Variants in ZMYM4 observed in about 807,000 individuals in gnomAD.
ZMYM4 encodes the protein zinc finger MYM-type containing 4, also known as zinc finger MYM-type protein 4.
A neutral mutation model predicts 183.2 loss-of-function variants in ZMYM4; 31 were observed. The observed-to-expected ratio is 0.17, with a 90% CI of 0.13 to 0.23. The LOEUF (loss-of-function observed/expected upper bound fraction) is 0.23. ZMYM4 is among the 10% of genes least tolerant of loss of function. The probability of loss-of-function intolerance (pLI) is 1.00; values close to 1 mark genes in which losing one functional copy is unlikely to be tolerated. For missense variants in ZMYM4, 1,273 were observed against 1,840.3 expected (o/e 0.69, Z 5.64); for synonymous variants, 592 against 631.2 (o/e 0.94, Z 0.93).
chr1:35,304,883 G>T (rs1192989275), intron 1 of ZMYM4, among the ~76,000 whole-genome samples: 1 of 151,404 alleles, frequency 6.6e-6, no homozygotes, highest in Admixed American at 6.6e-5. Context: ...GTCTTGCTCT[G>T]TCCCCAGGCT....
chr1:35,357,373 A>G (rs1643859696), intron 2 of ZMYM4, among the ~76,000 whole-genome samples: 2 of 152,198 alleles, frequency 1.3e-5, no homozygotes, highest in Admixed American at 6.5e-5. Flanking sequence ...AGTGCCACTA[A>G]TATTTTTAGT....
At chr1:35,412,114 T>C (rs1037875104) in intron 26 of ZMYM4, among the ~76,000 whole-genome samples, 4 of 151,944 alleles carry the variant, frequency 2.6e-5, no homozygotes, top group Non-Finnish European at 4.4e-5. Flanking sequence ...CTCCTGACCT[T>C]GTGATCCGCC....
At chr1:35,314,842 T>C (rs1641972252) in intron 1 of ZMYM4, among the ~76,000 whole-genome samples, 1 of 150,594 alleles carries the variant, frequency 6.6e-6, no homozygotes, top group Non-Finnish European at 1.5e-5. Context: ...CTGGCCAACA[T>C]GGTGAAACCC....
chr1:35,305,905 A>G (rs1199343329), intron 1 of ZMYM4, among the ~76,000 whole-genome samples: 1 of 152,178 alleles, frequency 6.6e-6, no homozygotes, highest in East Asian at 1.9e-4. Context: ...ATATAATATC[A>G]GGGTTTTTTT....
At chr1:35,324,409 T>C (rs1642420990) in intron 1 of ZMYM4, among the ~76,000 whole-genome samples, 1 of 152,170 alleles carries the variant, frequency 6.6e-6, no homozygotes, top group Non-Finnish European at 1.5e-5. Context: ...GAAGTTGCTT[T>C]TTTATAAGTT....
At chr1:35,328,465 T>A (rs1184671433) in intron 2 of ZMYM4, among the ~76,000 whole-genome samples, 1 of 148,442 alleles carries the variant, frequency 6.7e-6, no homozygotes, top group African/African-American at 2.5e-5. Context: ...TTTTTTTTTT[T>A]TTTTTTTTTT....
intron 2 of ZMYM4, among the ~76,000 whole-genome samples, chr1:35,346,490 C>A (rs1643394736): frequency 6.6e-6 from 1 of 151,626 alleles, no homozygotes; most frequent in Non-Finnish European, 1.5e-5. Flanking sequence ...GCCTGTACTA[C>A]AAACACAAAA....
chr1:35,313,387 TTTC>T (rs1402122989), intron 1 of ZMYM4, among the ~76,000 whole-genome samples: 5 of 67,924 alleles, frequency 7.4e-5, no homozygotes, highest in East Asian at 2.1e-4. Context: ...TCTTTTTCTT[TTTC>T]TTTTTTTTTT....
In ZMYM4 at chr1:35,268,902, C is replaced by A; in HGVS notation, c.-145C>A. ...CGGCCCGGCGCGCGGCATCCGCCCC[C>A]TCCCCACTCTCGGCGCAAGGCCCGG... On this transcript the variant is annotated 5_prime_UTR_variant, in exon 1 of 30. Coordinates refer to ENST00000314607, the MANE Select transcript of ZMYM4 (RefSeq NM_005095.3). The A allele has an allele frequency of 2.2e-6, 2 of 915,238 alleles. No individual in the cohort carries two copies. The highest frequency in any genetic ancestry group is 2.9e-6 in the Non-Finnish European group (2 of 690,682). 56.7% of individuals were successfully genotyped at this position (915,238 alleles called of 1,614,324 possible). A position where few individuals can be genotyped will look rare whatever the true frequency, so the allele number is the denominator to read the frequency against.
intron 5 of ZMYM4, among the ~76,000 whole-genome samples, chr1:35,362,478 C>T (rs1033012786): frequency 6.6e-6 from 1 of 152,172 alleles, no homozygotes; most frequent in Non-Finnish European, 1.5e-5. Flanking sequence ...TCAGATGCTG[C>T]AATCATTTTG....
At chr1:35,398,746 G>A in intron 21 of ZMYM4, 118 bp from the exon 22 acceptor site, 1 of 1,023,332 alleles carries the variant, frequency 9.8e-7, no homozygotes, top group Non-Finnish European at 1.4e-6. Context: ...GTGTACCTAG[G>A]TAATTGTCCA....
intron 1 of ZMYM4, among the ~76,000 whole-genome samples, chr1:35,278,636 T>G (rs754748623): frequency 6.6e-5 from 10 of 152,048 alleles, no homozygotes; most frequent in Non-Finnish European, 1.3e-4. Context: ...TATGTTAGGA[T>G]GGGCTCCATC....
intron 2 of ZMYM4, among the ~76,000 whole-genome samples, chr1:35,332,007 A>C (rs1405970914): frequency 6.6e-6 from 1 of 151,944 alleles, no homozygotes; most frequent in Admixed American, 6.6e-5. Flanking sequence ...TGAAAAGATA[A>C]GAGAAAAAAA....
At chr1:35,285,489 A>G (rs1640436463) in intron 1 of ZMYM4, among the ~76,000 whole-genome samples, 1 of 152,146 alleles carries the variant, frequency 6.6e-6, no homozygotes, top group African/African-American at 2.4e-5. Flanking sequence ...TGTCCTTTGT[A>G]TCTATGAGTT....
intron 1 of ZMYM4, among the ~76,000 whole-genome samples, chr1:35,312,590 A>G (rs923632571): frequency 2.6e-5 from 4 of 151,970 alleles, no homozygotes; most frequent in South Asian, 4.2e-4. Context: ...TGGTACTAGT[A>G]CTTTTTTTAT....
chr1:35,397,254 C>A (rs1644825080), intron 19 of ZMYM4, 123 bp from the exon 20 acceptor site: 2 of 1,161,568 alleles, frequency 1.7e-6, no homozygotes, highest in Non-Finnish European at 2.3e-6. Flanking sequence ...CTATTTTAAT[C>A]ATCAGCAATG....
At chr1:35,412,100 C>T (rs910285814) in intron 26 of ZMYM4, among the ~76,000 whole-genome samples, 2 of 151,014 alleles carry the variant, frequency 1.3e-5, no homozygotes, top group African/African-American at 2.4e-5. Context: ...ACCGTGGTCT[C>T]GATCTCCTGA....
At position 35,387,043 on chromosome 1, in the gene ZMYM4, T is replaced by C; in HGVS notation, c.1877T>C (p.Val626Ala). The C allele has an allele frequency of 6.2e-7, 1 of 1,614,228 alleles. No individual in the cohort carries two copies. Among genetic ancestry groups the C allele is most frequent in the Non-Finnish European group, 8.5e-7 (1 of 1,180,036 alleles). The part of the protein sequence containing the change: ...NKPTGMNSSV[V>A]PLSQGQVIVS... The stretch of plus-strand genomic sequence containing the variant: ...CCAACTGGAATGAATTCTTCAGTAG[T>C]GCCCTTGTCTCAGGGCCAAGTAATT... Residue 626 changes from valine to alanine, a missense_variant, in exon 12 of 30, where the codon GTG (valine) becomes GCG (alanine). Around this residue, in one of 6 missense-constraint regions of ZMYM4, gnomAD observed 319 missense variants for 518.1 expected, o/e 0.62. Transcript: ENST00000314607.
In ZMYM4 at chr1:35,387,020, A is replaced by G. The variant is rs1644593307; in HGVS notation, c.1854A>G (p.Pro618=). Residue 618 remains proline (P), a synonymous_variant, in exon 12 of 30, where the codon CCA becomes CCG. Transcript: ENST00000314607. ...TTTTCCAGAATTTATTCAACAAACCAACTGGAATGAATTCTTCAGTAGTGC... is the reference window on the plus strand; with the variant it reads ...TTTTCCAGAATTTATTCAACAAACCGACTGGAATGAATTCTTCAGTAGTGC... The part of the protein sequence containing the change: ...VVAFQNLFNK[P]TGMNSSVVPL... The G allele has an allele frequency of 1.9e-6, 3 of 1,613,470 alleles. No individual in the cohort carries two copies. The East Asian group carries it at 6.7e-5, about 36-fold the overall frequency.
Sources: gnomAD v4.1 joint callset for allele counts (sites outside exome capture counted in the v4.1 genomes callset) on GRCh38, gnomAD v4.1.1 for gene constraint, gnomAD v4.1.1 regional missense constraint, MANE v1.5 for transcripts, NCBI Gene and HGNC (gene_info 2026-07-23, HGNC 2026-07-21) for gene names.